Variants in CRACD observed in about 807,000 individuals in gnomAD.
The protein encoded by CRACD is capping protein-inhibiting regulator of actin dynamics.
In CRACD, 56 loss-of-function variants were observed where a neutral mutation model predicts 106.8. The observed-to-expected ratio is 0.52, with a 90% CI of 0.42 to 0.66. The LOEUF (loss-of-function observed/expected upper bound fraction) is 0.66, where lower values mean the gene tolerates loss of function less well. Ranked by LOEUF, CRACD falls within the 30% of genes least tolerant of loss-of-function variation. CRACD has a pLI of 0.00. For missense variants in CRACD, 1,730 were observed against 1,623.2 expected, an observed-to-expected ratio of 1.07 and a Z score of -1.13; for synonymous variants, 754 against 670.8, an observed-to-expected ratio of 1.12 and a Z score of -1.92.
chr4:56,239,753 A>C (rs866667418), intron 2 of CRACD, among the ~76,000 whole-genome samples: 106 of 152,212 alleles, frequency 7.0e-4, no homozygotes, highest in African/African-American at 2.3e-3. Flanking sequence ...GTCAGTGAGC[A>C]TTCAGCTTCC....
At chr4:56,055,178 C>T (rs1362802641) in intron 1 of CRACD, among the ~76,000 whole-genome samples, 1 of 151,994 alleles carries the variant, frequency 6.6e-6, no homozygotes, top group Admixed American at 6.6e-5. Flanking sequence ...AAGGTAAGAA[C>T]GATCTTATCT....
chr4:56,063,728 T>A (rs573130536), intron 1 of CRACD, among the ~76,000 whole-genome samples: 76 of 151,624 alleles, frequency 5.0e-4, no homozygotes, highest in African/African-American at 1.6e-3. Context: ...TATGACTTTT[T>A]AAAAAAAAAT....
chr4:56,178,012 T>G (rs191406000), intron 1 of CRACD, among the ~76,000 whole-genome samples: 3 of 152,368 alleles, frequency 2.0e-5, no homozygotes, highest in Admixed American at 1.3e-4. Flanking sequence ...TTGTTTATGC[T>G]CTAATCTTTA....
chr4:56,108,053 T>C (rs534058571), intron 1 of CRACD, among the ~76,000 whole-genome samples: 1 of 152,262 alleles, frequency 6.6e-6, no homozygotes, highest in Non-Finnish European at 1.5e-5. Flanking sequence ...AAAGAGCCCT[T>C]TTTGAAATGT....
chr4:56,108,910 G>A (rs1190744182), intron 1 of CRACD, among the ~76,000 whole-genome samples: 2 of 152,156 alleles, frequency 1.3e-5, no homozygotes, highest in Admixed American at 6.5e-5. Flanking sequence ...GACAAGGAGC[G>A]TGATCATTGA....
At chr4:56,242,484 A>C (rs918480516) in intron 2 of CRACD, among the ~76,000 whole-genome samples, 1 of 152,196 alleles carries the variant, frequency 6.6e-6, no homozygotes, top group South Asian at 2.1e-4. Context: ...CTTTGGTGAC[A>C]CTAGGAGGCG....
intron 1 of CRACD, among the ~76,000 whole-genome samples, chr4:56,078,591 T>C (rs1254295149): frequency 2.0e-5 from 3 of 152,134 alleles, no homozygotes; most frequent in African/African-American, 7.2e-5. Flanking sequence ...AAATTCTTTA[T>C]TTTTAGTAGA....
chr4:56,284,843 G>A (rs758909793), intron 3 of CRACD, among the ~76,000 whole-genome samples: 1 of 152,200 alleles, frequency 6.6e-6, no homozygotes, highest in Non-Finnish European at 1.5e-5. Flanking sequence ...CAAACAGCAT[G>A]AGATTCATAC....
intron 1 of CRACD, among the ~76,000 whole-genome samples, chr4:56,059,411 G>A (rs1732193598): frequency 6.6e-6 from 1 of 152,210 alleles, no homozygotes; most frequent in South Asian, 2.1e-4. Flanking sequence ...GGAAGTTCGA[G>A]GCTACAGTGA....
intron 2 of CRACD, among the ~76,000 whole-genome samples, chr4:56,263,589 T>C (rs489978): frequency 0.27 from 41,415 of 152,052 alleles, 5,811 homozygotes; most frequent in African/African-American, 0.31. Context: ...GAGAACCTGT[T>C]GTATTGGATT....
rs751419269 is a variant in CRACD, at chr4:56,316,565, C to G, written c.3063C>G (p.Pro1021=). The part of the protein sequence containing the change: ...SDRRPPSPPG[P]EERKGQKRDE... ...GCCGGCCACCCTCGCCCCCAGGCCC[C>G]GAGGAAAGGAAGGGACAGAAGAGGG... Residue 1021 remains proline, a synonymous_variant, in exon 8 of 11, where the codon CCC becomes CCG. Coordinates refer to ENST00000682029, the MANE Select transcript of CRACD (RefSeq NM_001393381.1). 1.2e-5 allele frequency: 19 copies of G among 1,612,930 alleles called. No individual in the cohort carries two copies. The highest frequency in any genetic ancestry group is 1.5e-5 in the Non-Finnish European group (18 of 1,179,600).
At chr4:56,172,843 C>T (rs1736430021) in intron 1 of CRACD, among the ~76,000 whole-genome samples, 1 of 152,122 alleles carries the variant, frequency 6.6e-6, no homozygotes, top group Non-Finnish European at 1.5e-5. Flanking sequence ...AGGATGGTCT[C>T]GATCTCCTGA....
chr4:56,240,322 AG>A (rs1268308644), intron 2 of CRACD, among the ~76,000 whole-genome samples: 1 of 151,994 alleles, frequency 6.6e-6, no homozygotes, highest in Non-Finnish European at 1.5e-5. Flanking sequence ...CAGACTGGGG[AG>A]GGGGAGTAGG....
chr4:56,182,445 A>C (rs202071598), intron 2 of CRACD, among the ~76,000 whole-genome samples: 1 of 149,790 alleles, frequency 6.7e-6, no homozygotes, highest in Admixed American at 6.6e-5. Context: ...AAAAAAAAAA[A>C]CCAGCCAGGT....
chr4:56,057,196 A>G (rs1732103716), intron 1 of CRACD, among the ~76,000 whole-genome samples: 1 of 152,182 alleles, frequency 6.6e-6, no homozygotes, highest in South Asian at 2.1e-4. Flanking sequence ...TACTGATGAG[A>G]AGGCTAAGGT....
intron 2 of CRACD, among the ~76,000 whole-genome samples, chr4:56,180,532 A>G (rs1736776858): frequency 6.8e-6 from 1 of 146,754 alleles, no homozygotes; most frequent in African/African-American, 2.5e-5. Context: ...AAATAAATAA[A>G]TAGATAGATA....
intron 1 of CRACD, among the ~76,000 whole-genome samples, chr4:56,085,326 T>A (rs978028080): frequency 6.6e-6 from 1 of 152,186 alleles, no homozygotes; most frequent in Admixed American, 6.5e-5. Context: ...TTTATGTGGG[T>A]CTTAAGGAAG....
At chr4:56,164,846 G>T (rs1329740719) in intron 1 of CRACD, among the ~76,000 whole-genome samples, 1 of 152,158 alleles carries the variant, frequency 6.6e-6, no homozygotes, top group Non-Finnish European at 1.5e-5. Flanking sequence ...AAGATAAATG[G>T]AGAATCGACC....
chr4:56,258,188 A>G (rs1016833589), intron 2 of CRACD, among the ~76,000 whole-genome samples: 1 of 152,186 alleles, frequency 6.6e-6, no homozygotes, highest in African/African-American at 2.4e-5. Flanking sequence ...CTTAACTCAG[A>G]CATTCCTTTC....
Sources: gnomAD v4.1 joint callset for allele counts (sites outside exome capture counted in the v4.1 genomes callset) on GRCh38, gnomAD v4.1.1 for gene constraint, MANE v1.5 for transcripts, NCBI Gene and HGNC (gene_info 2026-07-23, HGNC 2026-07-21) for gene names.